Variants in TTC28 observed in about 807,000 individuals in gnomAD.
TTC28 encodes tetratricopeptide repeat domain 28.
In TTC28, 61 loss-of-function variants were observed where a neutral mutation model predicts 198.0. That is an observed-to-expected ratio of 0.31 (90% CI 0.25 to 0.38). The LOEUF is 0.38. TTC28 is among the 10% of genes least tolerant of loss of function. The pLI, the probability that TTC28 is intolerant of heterozygous loss-of-function variation, is 1.00. For missense variants in TTC28, 2,678 were observed against 3,164.0 expected, an observed-to-expected ratio of 0.85 and a Z score of 3.69; for synonymous variants, 1,171 against 1,297.8, an observed-to-expected ratio of 0.90 and a Z score of 2.10.
At chr22:28,626,111 CA>C (rs1368986560) in intron 2 of TTC28, among the ~76,000 whole-genome samples, 2 of 151,896 alleles carry the variant, frequency 1.3e-5, no homozygotes, top group South Asian at 2.1e-4. Context: ...TTGGCGAAGA[CA>C]AAGGTTTCTT....
intron 2 of TTC28, among the ~76,000 whole-genome samples, chr22:28,446,765 A>T (rs547757508): frequency 8.5e-5 from 13 of 152,268 alleles, no homozygotes; most frequent in Non-Finnish European, 1.8e-4. Context: ...TACAGCAATA[A>T]ACAGTCCTGT....
chr22:28,499,017 A>G (rs978771243), intron 2 of TTC28, among the ~76,000 whole-genome samples: 1 of 152,000 alleles, frequency 6.6e-6, no homozygotes, highest in Non-Finnish European at 1.5e-5. Flanking sequence ...CTCTGCAAAA[A>G]AAATTTTTTT....
rs150106286 is a variant in TTC28, at chr22:28,405,931, T to G, written c.382-99288A>C. 3.3e-3 allele frequency among the ~76,000 whole-genome samples: 507 copies of G among 152,378 alleles called. 3 individuals carry two copies. The highest frequency in any genetic ancestry group is 0.012 in the African/African-American group (489 of 41,596). On this transcript the variant is annotated intron_variant, in intron 2 of 22. Transcript: ENST00000397906. Reference sequence around the variant, plus strand: ...TCCTGAGCTACTGCTTTAGGCACACTGCCTATAGGTTAGCCCTGCTCCACA... The same window carrying G: ...TCCTGAGCTACTGCTTTAGGCACACGGCCTATAGGTTAGCCCTGCTCCACA...
intron 1 of TTC28, among the ~76,000 whole-genome samples, chr22:28,666,787 TA>T (rs2051821397): frequency 2.8e-5 from 1 of 36,350 alleles, no homozygotes; most frequent in Non-Finnish European, 4.8e-5. Context: ...GAATCCTCCC[TA>T]ACTCATTTTA....
intron 8 of TTC28, among the ~76,000 whole-genome samples, chr22:28,102,768 C>T (rs1265406912): frequency 6.6e-6 from 1 of 152,172 alleles, no homozygotes; most frequent in Non-Finnish European, 1.5e-5. Context: ...CATAAATATA[C>T]ATTTCAAAAT....
chr22:28,124,161 A>G (rs993570293), intron 6 of TTC28, among the ~76,000 whole-genome samples: 9 of 132,392 alleles, frequency 6.8e-5, no homozygotes, highest in African/African-American at 2.3e-4. Flanking sequence ...TTTTTCACTT[A>G]TCTCTCTTTG....
chr22:28,610,226 AT>A (rs996641491), intron 2 of TTC28, among the ~76,000 whole-genome samples: 3 of 152,192 alleles, frequency 2.0e-5, no homozygotes, highest in African/African-American at 4.8e-5. Context: ...CCAGCACAGC[AT>A]TCAAGCTCGG....
In TTC28 at chr22:28,537,298, T is replaced by TA. The variant is rs754360383; in HGVS notation, c.381+92253dup. Among the ~76,000 whole-genome samples the TA allele has an allele frequency of 7.6e-5, 7 of 91,810 alleles. 1 individual carries two copies. The highest frequency in any genetic ancestry group is 2.2e-4 in the East Asian group (1 of 4,452). 60.2% of individuals were successfully genotyped at this position (91,810 alleles called of 152,430 possible). On this transcript the variant is annotated intron_variant, in intron 2 of 22. Transcript: ENST00000397906. ...ACAGAGCCAGACTCCGTCTCAAAAATAAAATAAAATAAAATAAAATAAAAT... is the reference window on the plus strand; with the variant it reads ...ACAGAGCCAGACTCCGTCTCAAAAATAAAAATAAAATAAAATAAAATAAAAT...
chr22:28,379,399 A>G (rs897515998), intron 2 of TTC28, among the ~76,000 whole-genome samples: 14 of 152,320 alleles, frequency 9.2e-5, no homozygotes, highest in African/African-American at 3.4e-4. Flanking sequence ...AAGAATACAT[A>G]AACAAAATGT....
intron 5 of TTC28, among the ~76,000 whole-genome samples, chr22:28,236,532 GACAA>G (rs1482130131): frequency 2.0e-5 from 3 of 152,102 alleles, no homozygotes; most frequent in Admixed American, 1.3e-4. Context: ...GGCATACAGT[GACAA>G]ACAGATAATA....
chr22:28,183,258 C>A (rs1330299590), intron 5 of TTC28, among the ~76,000 whole-genome samples: 2 of 152,048 alleles, frequency 1.3e-5, no homozygotes, highest in Non-Finnish European at 2.9e-5. Context: ...TGGGGTCTCA[C>A]TACGTTGCCC....
At chr22:28,303,336 T>C (rs1378657719) in intron 3 of TTC28, among the ~76,000 whole-genome samples, 1 of 152,208 alleles carries the variant, frequency 6.6e-6, no homozygotes, top group Non-Finnish European at 1.5e-5. Context: ...AAAGGATTAC[T>C]TGAGAAATCA....
intron 2 of TTC28, among the ~76,000 whole-genome samples, chr22:28,394,556 T>A (rs1219025642): frequency 6.6e-6 from 1 of 152,184 alleles, no homozygotes; most frequent in Non-Finnish European, 1.5e-5. Context: ...CAAGATTCAA[T>A]TTACTGTTAT....
intron 2 of TTC28, among the ~76,000 whole-genome samples, chr22:28,309,127 CAA>C (rs1454215632): frequency 7.9e-5 from 12 of 152,194 alleles, no homozygotes; most frequent in Admixed American, 3.9e-4. Flanking sequence ...CAGTACTTGG[CAA>C]AGAGTTAAGC....
intron 2 of TTC28, among the ~76,000 whole-genome samples, chr22:28,322,964 C>T (rs2145852469): frequency 6.6e-6 from 1 of 152,258 alleles, no homozygotes; most frequent in South Asian, 2.1e-4. Context: ...TTTCTACTGC[C>T]CTCTCTTATA....
At chr22:28,098,881 C>T in intron 10 of TTC28, 34 bp downstream of exon 10, 3 of 1,549,558 alleles carry the variant, frequency 1.9e-6, no homozygotes, top group Middle Eastern at 1.7e-4. Context: ...CACTAGTGCA[C>T]ACGTAAGCAA....
chr22:28,160,034 TAGA>T (rs1395032805), intron 6 of TTC28, among the ~76,000 whole-genome samples: 1 of 152,054 alleles, frequency 6.6e-6, no homozygotes, highest in African/African-American at 2.4e-5. Context: ...ACATAAATAA[TAGA>T]AGGATGGTTA....
At chr22:28,239,161 T>G (rs1432428337) in intron 5 of TTC28, among the ~76,000 whole-genome samples, 1 of 152,018 alleles carries the variant, frequency 6.6e-6, no homozygotes, top group Non-Finnish European at 1.5e-5. Context: ...TATTCCATCA[T>G]GAACAAAGCA....
chr22:28,271,576 T>C (rs187525013), intron 5 of TTC28, among the ~76,000 whole-genome samples: 4 of 152,128 alleles, frequency 2.6e-5, no homozygotes, highest in Non-Finnish European at 5.9e-5. Context: ...TTCCCCACAC[T>C]GTTCTTGTGA....
Sources: allele counts gnomAD v4.1 joint callset (sites outside exome capture counted in the v4.1 genomes callset), GRCh38; gene constraint gnomAD v4.1.1; transcripts MANE v1.5; gene names NCBI Gene and HGNC (gene_info 2026-07-23, HGNC 2026-07-21).